DLGAP4: variants seen among roughly 807,000 people sequenced by gnomAD.
DLGAP4 encodes the protein DLG associated protein 4.
DLGAP4 carries 18 observed loss-of-function variants against 86.9 expected under a neutral mutation model. That is an observed-to-expected ratio of 0.21 (90% CI 0.14 to 0.31). DLGAP4 has a LOEUF of 0.31. DLGAP4 is among the 10% of genes least tolerant of loss of function. DLGAP4 has a pLI of 1.00. For synonymous variants in DLGAP4, 548 were observed against 574.3 expected (o/e 0.95, Z 0.65); for missense variants, 1,085 against 1,362.6 (o/e 0.80, Z 3.21).
intron 1 of DLGAP4, among the ~76,000 whole-genome samples, chr20:36,339,409 G>T (rs375440969): frequency 9.5e-4 from 143 of 150,424 alleles, no homozygotes; most frequent in Non-Finnish European, 1.6e-3. Flanking sequence ...TTTGTTTAAG[G>T]CAAGGTCTCT....
At chr20:36,403,516 G>A (rs751080740) in intron 2 of DLGAP4, among the ~76,000 whole-genome samples, 5 of 152,320 alleles carry the variant, frequency 3.3e-5, no homozygotes, top group African/African-American at 4.8e-5. Context: ...CAAAGCTGGG[G>A]CCAAAGAAGA....
At chr20:36,372,285 C>A (rs944337804) in intron 2 of DLGAP4, among the ~76,000 whole-genome samples, 9 of 152,174 alleles carry the variant, frequency 5.9e-5, no homozygotes, top group Admixed American at 1.3e-4. Flanking sequence ...CAGGGCTCCC[C>A]AGGCTTACCT....
intron 1 of DLGAP4, among the ~76,000 whole-genome samples, chr20:36,319,724 C>G (rs1555890328): frequency 6.6e-6 from 1 of 152,120 alleles, no homozygotes; most frequent in East Asian, 1.9e-4. Flanking sequence ...TTTCTTGCTG[C>G]CCAACTCCTT....
At position 36,497,421 on chromosome 20, in the gene DLGAP4, C is replaced by G. The variant is rs898548471; in HGVS notation, c.2010+355C>G. Reference sequence around the variant, plus strand: ...GCCAGCTGACCCGTGGGAGGCGGGACTGGCCTAACAGTTCTCTAATCCAAG... The same window carrying G: ...GCCAGCTGACCCGTGGGAGGCGGGAGTGGCCTAACAGTTCTCTAATCCAAG... On this transcript the variant is annotated intron_variant, in intron 8 of 12. Coordinates refer to ENST00000339266, the MANE Select transcript of DLGAP4 (RefSeq NM_001365621.2). The G allele has an allele frequency of 3.7e-5, 42 of 1,127,478 alleles. 1 individual carries two copies. The East Asian group carries it at 2.4e-3, about 63-fold the overall frequency. 69.8% of individuals were successfully genotyped at this position (1,127,478 alleles called of 1,614,324 possible). A position where few individuals can be genotyped will look rare whatever the true frequency, so the allele number is the denominator to read the frequency against.
At chr20:36,340,634 C>G (rs1251452060) in intron 1 of DLGAP4, among the ~76,000 whole-genome samples, 2 of 152,024 alleles carry the variant, frequency 1.3e-5, no homozygotes, top group African/African-American at 2.4e-5. Context: ...TAGTTGTGTC[C>G]CCACCCCTGC....
intron 2 of DLGAP4, among the ~76,000 whole-genome samples, chr20:36,429,281 T>C (rs985595930): frequency 6.6e-6 from 1 of 152,016 alleles, no homozygotes; most frequent in Non-Finnish European, 1.5e-5. Context: ...TTTCACTACG[T>C]TGGCCAGGCT....
At chr20:36,508,810 A>T (rs1025097344) in intron 10 of DLGAP4, 2 of 152,208 alleles carry the variant, frequency 1.3e-5, no homozygotes, top group Non-Finnish European at 2.9e-5. Context: ...TGGAGTACTT[A>T]CCTTGGACAG....
chr20:36,404,896 G>A (rs1049658387), intron 2 of DLGAP4, among the ~76,000 whole-genome samples: 2 of 152,178 alleles, frequency 1.3e-5, no homozygotes, highest in African/African-American at 2.4e-5. Flanking sequence ...GCCTCTGCAC[G>A]GTTCAGAGCC....
chr20:36,429,068 G>GTTTA (rs752612395), intron 2 of DLGAP4, among the ~76,000 whole-genome samples: 5 of 152,062 alleles, frequency 3.3e-5, no homozygotes, highest in East Asian at 1.9e-4. Context: ...CTTCCTGCCT[G>GTTTA]TTTATTTATT....
At chr20:36,318,104 T>TCACACACACACA (rs1341409069) in intron 1 of DLGAP4, among the ~76,000 whole-genome samples, 4 of 106,494 alleles carry the variant, frequency 3.8e-5, no homozygotes, top group African/African-American at 1.6e-4. Flanking sequence ...AAATGTGTCC[T>TCACACACACACA]CTCACACACA....
At chr20:36,495,592 AGTGGGCCTTTG>A (rs2035853619) in intron 7 of DLGAP4, among the ~76,000 whole-genome samples, 1 of 152,226 alleles carries the variant, frequency 6.6e-6, no homozygotes, top group South Asian at 2.1e-4. Context: ...AGAAGCAAGC[AGTGGGCCTTTG>A]GTGTTCTGGG....
At chr20:36,460,775 C>G (rs2034006053) in intron 7 of DLGAP4, among the ~76,000 whole-genome samples, 1 of 152,182 alleles carries the variant, frequency 6.6e-6, no homozygotes, top group South Asian at 2.1e-4. Context: ...CCGGCTCGAG[C>G]TGGTCACTTT....
chr20:36,512,243 A>G (rs972939505), intron 10 of DLGAP4, among the ~76,000 whole-genome samples: 10 of 151,440 alleles, frequency 6.6e-5, no homozygotes, highest in South Asian at 4.2e-4. Context: ...ATAGAGATGG[A>G]GTTTCACCGT....
At chr20:36,307,283 G>C (rs2065012916) in intron 1 of DLGAP4, among the ~76,000 whole-genome samples, 1 of 152,236 alleles carries the variant, frequency 6.6e-6, no homozygotes, top group Admixed American at 6.5e-5. Flanking sequence ...GGATGGACCA[G>C]GTGGCCGCGG....
At position 36,344,317 on chromosome 20, in the gene DLGAP4, A is replaced by T. The variant is rs1443338834; in HGVS notation, c.-303-22728A>T. On this transcript the variant is annotated intron_variant, in intron 1 of 12. Transcript: ENST00000339266. Reference sequence around the variant, plus strand: ...CTTACTTTACCCGACTGCTGGGAGTAGAAGCAGGTAAAATTCTTGGAAGAC... The same window carrying T: ...CTTACTTTACCCGACTGCTGGGAGTTGAAGCAGGTAAAATTCTTGGAAGAC... Among the ~76,000 whole-genome samples the T allele has an allele frequency of 2.0e-5, 3 of 152,178 alleles. No homozygotes were observed. In the East Asian group the frequency reaches 5.8e-4, roughly 29 times the overall value.
At chr20:36,474,551 C>G (rs1439385096) in intron 7 of DLGAP4, among the ~76,000 whole-genome samples, 1 of 152,222 alleles carries the variant, frequency 6.6e-6, no homozygotes, top group Non-Finnish European at 1.5e-5. Context: ...ACTTTCTTGC[C>G]TTCCCCCTGG....
chr20:36,461,533 C>G (rs1407043922), intron 7 of DLGAP4: 1 of 976,344 alleles, frequency 1.0e-6, no homozygotes, highest in African/African-American at 1.8e-5. Context: ...CGCTGGCCGC[C>G]GCCGCCGCCG....
At chr20:36,518,429 T>C (rs1021063987) in intron 10 of DLGAP4, among the ~76,000 whole-genome samples, 4 of 152,208 alleles carry the variant, frequency 2.6e-5, no homozygotes, top group African/African-American at 9.6e-5. Context: ...TCTCTTTGGG[T>C]TAATTGTATT....
chr20:36,354,815 G>A (rs2030272420), intron 1 of DLGAP4, among the ~76,000 whole-genome samples: 1 of 151,978 alleles, frequency 6.6e-6, no homozygotes, highest in African/African-American at 2.4e-5. Context: ...GGTGGCGTGT[G>A]CCTGTAGTCC....
Sources: gnomAD v4.1 joint callset for allele counts (sites outside exome capture counted in the v4.1 genomes callset) on GRCh38, gnomAD v4.1.1 for gene constraint, MANE v1.5 for transcripts, NCBI Gene and HGNC (gene_info 2026-07-23, HGNC 2026-07-21) for gene names.